The following SVIL variants were observed in gnomAD, a reference collection of about 807,000 sequenced individuals.
The protein encoded by SVIL is supervillin, also known as archvillin.
Under a neutral mutation model 240.4 loss-of-function variants are expected in SVIL, and 101 were observed. The ratio of observed to expected loss-of-function variants is 0.42; its 90% CI spans 0.36 to 0.50. The LOEUF is 0.50. Among genes scored for constraint, SVIL ranks in the 20% least tolerant of loss-of-function variants. The pLI is 0.01. For synonymous variants in SVIL, 999 were observed against 1,100.0 expected, an observed-to-expected ratio of 0.91 and a Z score of 1.82; for missense variants, 2,512 against 2,818.7, an observed-to-expected ratio of 0.89 and a Z score of 2.46.
chr10:29,696,036 C>G (rs948088885), intron 1 of SVIL, among the ~76,000 whole-genome samples: 15 of 151,652 alleles, frequency 9.9e-5, no homozygotes, highest in African/African-American at 2.7e-4. Flanking sequence ...CATCTCGGCT[C>G]TCTGCAGCCT....
chr10:29,705,657 GC>G (rs1236418565), intron 1 of SVIL, among the ~76,000 whole-genome samples: 4 of 152,048 alleles, frequency 2.6e-5, no homozygotes, highest in African/African-American at 9.7e-5. Context: ...CCCCCGAAAG[GC>G]CCCAGTGTGT....
rs868650983 is a variant in SVIL at position 29,641,863 on chromosome 10, G to C, written c.-201+16106C>G. ...CACCACATTTAGATAAACCCAGGAG[G>C]GATGCGATTACTTGTGTTGGTGGAA... On this transcript the variant is annotated intron_variant, in intron 3 of 35. Transcript: ENST00000375400. 2.0e-5 allele frequency among the ~76,000 whole-genome samples: 3 copies of C among 152,138 alleles called. No individual in the cohort carries two copies. In the South Asian group the frequency reaches 6.2e-4, roughly 31 times the overall value.
At position 29,674,839 on chromosome 10, in the gene SVIL, C is replaced by T. The variant is rs146805814; in HGVS notation, c.-301+11714G>A. Among the ~76,000 whole-genome samples the T allele has an allele frequency of 5.6e-3, 860 of 152,268 alleles. 7 individuals carry two copies. Among genetic ancestry groups the T allele is most frequent in the Middle Eastern group, 0.017 (5 of 294 alleles). On this transcript the variant is annotated intron_variant, in intron 2 of 35. Coordinates refer to the SVIL transcript ENST00000375400. ...GAGGCCACCTGCATTCCTTGGCTCACGGCCCCTTCCTGCATCTTCAAGGCA... is the reference window on the plus strand; with the variant it reads ...GAGGCCACCTGCATTCCTTGGCTCATGGCCCCTTCCTGCATCTTCAAGGCA...
intron 1 of SVIL, among the ~76,000 whole-genome samples, chr10:29,706,858 G>A (rs542295332): frequency 1.3e-4 from 20 of 152,138 alleles, no homozygotes; most frequent in Non-Finnish European, 2.8e-4. Context: ...TCTGCATATG[G>A]CTAGCCAGTT....
chr10:29,516,878 T>G (rs1950237954), intron 16 of SVIL, among the ~76,000 whole-genome samples: 1 of 152,188 alleles, frequency 6.6e-6, no homozygotes. Flanking sequence ...CTCAGAGCAG[T>G]CAGGGCTGGG....
At chr10:29,629,806 CT>C (rs1275491300) in intron 1 of SVIL, among the ~76,000 whole-genome samples, 1 of 147,908 alleles carries the variant, frequency 6.8e-6, no homozygotes, top group Non-Finnish European at 1.5e-5. Flanking sequence ...AGTGAGACCC[CT>C]GCCTCTAGAA....
In SVIL at chr10:29,671,051, G is replaced by T. The variant is rs1003759728; in HGVS notation, c.-300-12983C>A. 4.6e-5 allele frequency: 7 copies of T among 152,296 alleles called. No individual in the cohort carries two copies. The East Asian group carries it at 1.4e-3, about 29-fold the overall frequency. 9.4% of individuals were successfully genotyped at this position (152,296 alleles called of 1,614,324 possible). ...CAAAATCCTCCTTGGAACACCAGGC[G>T]CAGAGACCCCAGAGACTGCAGGCAC... On this transcript the variant is annotated intron_variant, in intron 2 of 35. Coordinates refer to the SVIL transcript ENST00000375400.
At chr10:29,487,880 G>T (rs1364970565) in intron 23 of SVIL, 2 of 152,430 alleles carry the variant, frequency 1.3e-5, no homozygotes, top group Admixed American at 1.3e-4. Context: ...ACAGAGATTG[G>T]TTATTTGAGC....
At chr10:29,617,870 G>A (rs1957487135) in intron 1 of SVIL, among the ~76,000 whole-genome samples, 1 of 152,214 alleles carries the variant, frequency 6.6e-6, no homozygotes, top group South Asian at 2.1e-4. Flanking sequence ...GACAGCAAAT[G>A]GAGATAACTG....
At chr10:29,702,431 A>G (rs28408879) in intron 1 of SVIL, among the ~76,000 whole-genome samples, 33,111 of 152,044 alleles carry the variant, frequency 0.22, 3,973 homozygotes, top group African/African-American at 0.28. Flanking sequence ...GCGTGAGATT[A>G]ACAACTGCAT....
intron 1 of SVIL, among the ~76,000 whole-genome samples, chr10:29,719,337 T>A (rs57203451): frequency 0.074 from 11,294 of 152,198 alleles, 543 homozygotes; most frequent in African/African-American, 0.13. Context: ...CCCTGTCTAA[T>A]TAGCACTGCT....
rs1161633972 is a variant in SVIL at position 29,532,530 on chromosome 10, G to A, written c.1837C>T (p.Leu613Phe). The A allele has an allele frequency of 6.2e-7, 1 of 1,607,218 alleles. No individual in the cohort carries two copies. Among genetic ancestry groups the A allele is most frequent in the South Asian group, 1.1e-5 (1 of 90,732 alleles). Residue 613 changes from leucine to phenylalanine, a missense_variant and splice_region_variant, in exon 8 of 38, where the codon CTC becomes TTC. By Grantham distance (22) the Leu-to-Phe change is conservative. Coordinates refer to ENST00000355867, the MANE Select transcript of SVIL (RefSeq NM_021738.3). The part of the protein sequence containing the change: ...ASANACRRPE[L>F]KSRVERSAEG... ...GAGGGCGTGTGAAGCATCACCTACA[G>A]TTCAGGTCTCCTGCAGGCGTTGGCA...
intron 1 of SVIL, among the ~76,000 whole-genome samples, chr10:29,624,176 A>AAAC (rs1554880145): frequency 2.0e-5 from 3 of 151,588 alleles, no homozygotes; most frequent in Admixed American, 6.6e-5. Context: ...CAAAAAAAAA[A>AAAC]AAAAAACCCC....
intron 32 of SVIL, 66 bp from the exon 33 acceptor site, chr10:29,467,941 TTAC>T: frequency 7.2e-6 from 11 of 1,537,908 alleles, no homozygotes; most frequent in Non-Finnish European, 8.0e-6. Flanking sequence ...AAAATTATTA[TTAC>T]TATTATGATA....
Position 29,640,006 on chromosome 10 carries a change from C to T in SVIL, c.-201+17963G>A, listed in dbSNP as rs527771906. Among the ~76,000 whole-genome samples, 32 of 152,264 alleles carry T rather than the reference C, an allele frequency of 2.1e-4. No individual in the cohort carries two copies. The East Asian group carries it at 4.1e-3, about 19-fold the overall frequency. Reference sequence around the variant, plus strand: ...ATGAGGCTTCTTTTCAGTTCGTTGACGAGGCAGCACAAGCCCAGAATATGC... The same window carrying T: ...ATGAGGCTTCTTTTCAGTTCGTTGATGAGGCAGCACAAGCCCAGAATATGC... On this transcript the variant is annotated intron_variant, in intron 3 of 35. Coordinates refer to the SVIL transcript ENST00000375400.
At chr10:29,648,037 C>T (rs985275130) in intron 3 of SVIL, among the ~76,000 whole-genome samples, 3 of 144,740 alleles carry the variant, frequency 2.1e-5, no homozygotes, top group South Asian at 4.3e-4. Context: ...GATAAGATGA[C>T]GCTCCCACCA....
chr10:29,651,162 G>C (rs1958821845), intron 3 of SVIL, among the ~76,000 whole-genome samples: 1 of 152,032 alleles, frequency 6.6e-6, no homozygotes, highest in African/African-American at 2.4e-5. Context: ...CTACAAGTTA[G>C]CAACTCCCTA....
chr10:29,529,772 G>A lies in SVIL; in HGVS notation c.2179C>T (p.Leu727=). The A allele has an allele frequency of 6.2e-7, 1 of 1,613,844 alleles. No homozygotes were observed. Among genetic ancestry groups the A allele is most frequent in the East Asian group, 2.2e-5 (1 of 44,848 alleles). ...AGGGACCTGTCCTGCAGACGGCGTA[G>A]CCTCTGCTCCACAGCTGTGTTTCTT... ...RSRNTAVEQR[L]RRLQDRSLTQ... Residue 727 remains leucine (L), a synonymous_variant, in exon 12 of 38, where the codon CTA becomes TTA. Transcript: ENST00000355867.
intron 1 of SVIL, among the ~76,000 whole-genome samples, chr10:29,616,174 ACT>A (rs1957419323): frequency 6.6e-6 from 1 of 152,110 alleles, no homozygotes; most frequent in African/African-American, 2.4e-5. Context: ...AGTAGCTGGG[ACT>A]ACAGGTGTGT....
Sources: allele counts gnomAD v4.1 joint callset (sites outside exome capture counted in the v4.1 genomes callset), GRCh38; gene constraint gnomAD v4.1.1; transcripts MANE v1.5; gene names NCBI Gene and HGNC (gene_info 2026-07-23, HGNC 2026-07-21).